IL15: variants seen among roughly 807,000 people sequenced by gnomAD.
IL15 encodes the protein interleukin-15.
A neutral mutation model predicts 19.6 loss-of-function variants in IL15; 11 were observed. The ratio of observed to expected loss-of-function variants is 0.56; its 90% confidence interval spans 0.35 to 0.93. IL15 has a LOEUF of 0.93. Ranked by LOEUF, IL15 falls within the 40% of genes least tolerant of loss-of-function variation. The pLI is 0.01. For synonymous variants in IL15, 58 were observed against 59.6 expected (o/e 0.97, Z 0.12); for missense variants, 197 against 186.5 (o/e 1.06, Z -0.33).
chr4:141,652,632 T>G (rs114771952), intron 1 of IL15, among the ~76,000 whole-genome samples: 1 of 152,228 alleles, frequency 6.6e-6, no homozygotes, highest in African/African-American at 2.4e-5. Context: ...GCTAAGTATT[T>G]GGAACAAGAG....
intron 2 of IL15, among the ~76,000 whole-genome samples, chr4:141,708,044 C>T (rs937281592): frequency 1.3e-5 from 2 of 152,212 alleles, no homozygotes; most frequent in Admixed American, 1.3e-4. Flanking sequence ...CAAGGCCATG[C>T]AGCTCTGCAG....
Position 141,719,696 on chromosome 4 carries a change from T to C in IL15, c.12+220T>C, listed in dbSNP as rs182971221. Among the ~76,000 whole-genome samples, 167 of 152,298 alleles carry C rather than the reference T, an allele frequency of 1.1e-3. 4 individuals carry two copies. The highest frequency in any genetic ancestry group is 0.011 in the Admixed American group (164 of 15,288). On this transcript the variant is annotated intron_variant, in intron 3 of 7. Coordinates refer to ENST00000320650, the MANE Select transcript of IL15 (RefSeq NM_000585.5). ...TCTTCTTGTCATTATAAATGTGTTA[T>C]TTCACTTATCCCACTCTTTTGTGTT...
rs138853288 is a variant in IL15 at position 141,647,672 on chromosome 4, G to A, written c.-221-8514G>A. On this transcript the variant is annotated intron_variant, in intron 1 of 7. Transcript: ENST00000320650. ...TACACCTCCTAGACCTTGCCTTCCT[G>A]TCATACTTGCTCTGTCTGCTGCTCT... is the stretch of plus-strand genomic sequence containing the variant. Among the ~76,000 whole-genome samples, 3 of 152,142 alleles carry A rather than the reference G, an allele frequency of 2.0e-5. 1 individual carries two copies. Among genetic ancestry groups the A allele is most frequent in the African/African-American group, 2.4e-5 (1 of 41,536 alleles).
At chr4:141,679,212 C>T (rs1728457273) in intron 2 of IL15, among the ~76,000 whole-genome samples, 2 of 152,142 alleles carry the variant, frequency 1.3e-5, no homozygotes, top group African/African-American at 2.4e-5. Flanking sequence ...CCTCCTTATT[C>T]TCAATTATAA....
chr4:141,652,520 G>T (rs1014176261), intron 1 of IL15, among the ~76,000 whole-genome samples: 11 of 152,086 alleles, frequency 7.2e-5, no homozygotes, highest in African/African-American at 2.2e-4. Flanking sequence ...TAGTTTACTT[G>T]TCAGAAAGTA....
At chr4:141,663,972 C>T (rs1180629696) in intron 2 of IL15, among the ~76,000 whole-genome samples, 1 of 152,132 alleles carries the variant, frequency 6.6e-6, no homozygotes, top group East Asian at 1.9e-4. Context: ...TGCACACAAA[C>T]AAACAGAAAC....
intron 2 of IL15, among the ~76,000 whole-genome samples, chr4:141,683,659 G>A (rs1185969051): frequency 6.6e-6 from 1 of 151,990 alleles, no homozygotes; most frequent in Non-Finnish European, 1.5e-5. Context: ...TGCGAACCTG[G>A]AACAAGTCAT....
intron 2 of IL15, among the ~76,000 whole-genome samples, chr4:141,660,447 A>C (rs1727748172): frequency 6.6e-6 from 1 of 152,168 alleles, no homozygotes; most frequent in Non-Finnish European, 1.5e-5. Context: ...GTTTCTTATT[A>C]TCTCTTTGAT....
intron 2 of IL15, among the ~76,000 whole-genome samples, chr4:141,709,205 G>A (rs894144637): frequency 6.6e-6 from 1 of 151,930 alleles, no homozygotes; most frequent in African/African-American, 2.4e-5. Context: ...ATTCAGATTT[G>A]TGTAATGTTT....
intron 2 of IL15, among the ~76,000 whole-genome samples, chr4:141,692,588 G>C (rs1728950120): frequency 6.6e-6 from 1 of 152,034 alleles, no homozygotes; most frequent in African/African-American, 2.4e-5. Context: ...TCTTCTGCCG[G>C]ATACCCTAAA....
chr4:141,660,410 C>G (rs965842970), intron 2 of IL15, among the ~76,000 whole-genome samples: 1 of 152,116 alleles, frequency 6.6e-6, no homozygotes, highest in Admixed American at 6.6e-5. Context: ...CCACTTTTAA[C>G]TCAATTTAGT....
intron 7 of IL15, among the ~76,000 whole-genome samples, chr4:141,730,311 C>G (rs983505533): frequency 2.6e-5 from 4 of 152,138 alleles, no homozygotes; most frequent in Non-Finnish European, 4.4e-5. Context: ...TAATTACATA[C>G]TCAAATGTCT....
chr4:141,673,512 T>C (rs1358145730), intron 2 of IL15, among the ~76,000 whole-genome samples: 1 of 152,290 alleles, frequency 6.6e-6, no homozygotes, highest in African/African-American at 2.4e-5. Flanking sequence ...GACTATATCT[T>C]TCTGCTTCTT....
chr4:141,640,929 G>T (rs1047445991), intron 1 of IL15, among the ~76,000 whole-genome samples: 1 of 152,176 alleles, frequency 6.6e-6, no homozygotes, highest in Non-Finnish European at 1.5e-5. Context: ...AGGAAAATAT[G>T]ATGGTTGTAA....
At chr4:141,732,495 G>A (rs7661408) in intron 7 of IL15, among the ~76,000 whole-genome samples, 119,684 of 152,184 alleles carry the variant, frequency 0.79, 47,529 homozygotes, top group East Asian at 0.99. Context: ...CAGGAACTCC[G>A]TGGTCTGATA....
At chr4:141,659,206 C>CTT (rs398064100) in intron 2 of IL15, among the ~76,000 whole-genome samples, 99 of 120,210 alleles carry the variant, frequency 8.2e-4, no homozygotes, top group African/African-American at 2.7e-3. Context: ...TTCCTGGTGT[C>CTT]TTTTTTTTTT....
intron 5 of IL15, among the ~76,000 whole-genome samples, chr4:141,725,578 T>C (rs1730231028): frequency 6.6e-6 from 1 of 152,182 alleles, no homozygotes; most frequent in African/African-American, 2.4e-5. Flanking sequence ...GTGGTACTTT[T>C]TATAGCAGCC....
intron 1 of IL15, among the ~76,000 whole-genome samples, chr4:141,640,869 C>G (rs1356523400): frequency 6.6e-6 from 1 of 152,072 alleles, no homozygotes; most frequent in Non-Finnish European, 1.5e-5. Flanking sequence ...AGGAAAGTGA[C>G]AAATTATTTT....
At chr4:141,721,807 A>T (rs1402010537) in intron 4 of IL15, 117 bp from the exon 5 acceptor site, 11 of 863,648 alleles carry the variant, frequency 1.3e-5, no homozygotes, top group Middle Eastern at 4.6e-4. Flanking sequence ...AGAAGCAAGG[A>T]TAACACTGAT....
Sources: allele counts gnomAD v4.1 joint callset (sites outside exome capture counted in the v4.1 genomes callset), GRCh38; gene constraint gnomAD v4.1.1; transcripts MANE v1.5; gene names NCBI Gene and HGNC (gene_info 2026-07-23, HGNC 2026-07-21).